TRIM66: variants seen among roughly 807,000 people sequenced by gnomAD.
The protein encoded by TRIM66 is tripartite motif containing 66.
Under a neutral mutation model 148.2 loss-of-function variants are expected in TRIM66, and 99 were observed. The observed-to-expected ratio is 0.67, with a 90% CI of 0.57 to 0.79. TRIM66 has a LOEUF of 0.79. TRIM66 is among the 30% of genes least tolerant of loss of function. TRIM66 has a pLI of 0.00. For missense variants in TRIM66, 1,666 were observed against 1,697.9 expected (o/e 0.98, Z 0.33); for synonymous variants, 616 against 635.9 (o/e 0.97, Z 0.47).
intron 6 of TRIM66, among the ~76,000 whole-genome samples, chr11:8,657,184 C>T (rs1407273789): frequency 2.0e-5 from 3 of 152,166 alleles, no homozygotes; most frequent in Non-Finnish European, 2.9e-5. Context: ...AAGCTGGTAT[C>T]GGGTCAGCTT....
At chr11:8,642,278 C>A (rs1010118374) in intron 13 of TRIM66, among the ~76,000 whole-genome samples, 2 of 152,158 alleles carry the variant, frequency 1.3e-5, no homozygotes, top group African/African-American at 2.4e-5. Flanking sequence ...AGGTGGCCAT[C>A]AAAGGTCTGC....
intron 6 of TRIM66, among the ~76,000 whole-genome samples, chr11:8,657,851 G>A (rs1407864702): frequency 6.6e-6 from 1 of 152,230 alleles, no homozygotes; most frequent in Non-Finnish European, 1.5e-5. Flanking sequence ...TTTTGTCCAA[G>A]TCACCCCTAA....
At chr11:8,628,767 T>C (rs2035117138) in intron 15 of TRIM66, among the ~76,000 whole-genome samples, 1 of 151,830 alleles carries the variant, frequency 6.6e-6, no homozygotes, top group Non-Finnish European at 1.5e-5. Flanking sequence ...TTCCCCCTCT[T>C]CTCCTCTCTC....
intron 6 of TRIM66, among the ~76,000 whole-genome samples, chr11:8,659,884 T>G (rs1412253746): frequency 6.6e-6 from 1 of 152,148 alleles, no homozygotes; most frequent in Non-Finnish European, 1.5e-5. Context: ...TTTGTTTGTC[T>G]TTGTTTGTTT....
intron 4 of TRIM66, among the ~76,000 whole-genome samples, chr11:8,672,612 C>T (rs2038988642): frequency 7.2e-6 from 1 of 137,956 alleles, no homozygotes; most frequent in African/African-American, 2.7e-5. Flanking sequence ...ATTCTGGACT[C>T]CAGTCTCTTT....
At chr11:8,660,797 A>G (rs1344309289) in intron 6 of TRIM66, among the ~76,000 whole-genome samples, 1 of 152,166 alleles carries the variant, frequency 6.6e-6, no homozygotes, top group Non-Finnish European at 1.5e-5. Flanking sequence ...TGGACCTTCA[A>G]GTTTGTGTAG....
intron 8 of TRIM66, 41 bp from the exon 9 acceptor site, chr11:8,648,589 G>A (rs749163940): frequency 6.5e-7 from 1 of 1,549,192 alleles, no homozygotes. Flanking sequence ...TCTTGCTCAG[G>A]TAGACAAACC....
intron 6 of TRIM66, among the ~76,000 whole-genome samples, chr11:8,652,701 A>G (rs551542867): frequency 6.6e-6 from 1 of 152,216 alleles, no homozygotes; most frequent in Non-Finnish European, 1.5e-5. Context: ...ACCTACTAGG[A>G]ACAAGAAAAT....
intron 15 of TRIM66, among the ~76,000 whole-genome samples, chr11:8,635,960 G>A (rs2035843494): frequency 6.6e-6 from 1 of 152,174 alleles, no homozygotes; most frequent in Admixed American, 6.5e-5. Flanking sequence ...CACTGGCAAT[G>A]AAACCACCTT....
chr11:8,657,140 T>C (rs2037898608), intron 6 of TRIM66, among the ~76,000 whole-genome samples: 2 of 151,844 alleles, frequency 1.3e-5, no homozygotes, highest in African/African-American at 4.8e-5. Context: ...ACCAGAGAGG[T>C]AGGGGAGGAG....
At chr11:8,642,769 G>T (rs565255346) in intron 13 of TRIM66, among the ~76,000 whole-genome samples, 1 of 129,832 alleles carries the variant, frequency 7.7e-6, no homozygotes, top group East Asian at 2.5e-4. Flanking sequence ...GGTAAACTCA[G>T]ATTTCAACTC....
chr11:8,645,332 A>G (rs1285743484), intron 12 of TRIM66, among the ~76,000 whole-genome samples: 1 of 152,196 alleles, frequency 6.6e-6, no homozygotes, highest in Non-Finnish European at 1.5e-5. Context: ...CGTCCTCTCA[A>G]GCCTAATACT....
chr11:8,662,462 T>C (rs2038325086), intron 6 of TRIM66, among the ~76,000 whole-genome samples: 1 of 152,134 alleles, frequency 6.6e-6, no homozygotes, highest in South Asian at 2.1e-4. Context: ...GCATTAGTAG[T>C]GTTCGGGGAT....
intron 13 of TRIM66, among the ~76,000 whole-genome samples, chr11:8,642,250 T>G (rs1297417849): frequency 1.3e-5 from 2 of 152,216 alleles, no homozygotes; most frequent in Non-Finnish European, 2.9e-5. Context: ...GTGCTCAGCA[T>G]GGGGCCTAAA....
In TRIM66 at chr11:8,643,029, G is replaced by A. The variant is rs1388464151; in HGVS notation, c.1202C>T (p.Thr401Ile). 2 of 1,551,032 alleles carry A rather than the reference G, an allele frequency of 1.3e-6. No homozygotes were observed. The highest frequency in any genetic ancestry group is 2.4e-5 in the East Asian group (1 of 40,898). The change falls in exon 13 of 25, where the codon ACC becomes ATC. Residue 401 changes from threonine (T) to isoleucine (I), a missense_variant. Transcript: ENST00000646038. ...CTCACCAAGAGAAGCTAGCTGCTTG[G>A]TCCAGAAGTTAGGCTCCCAGGTGAA... ...IRFTWEPNFW[T>I]KQLASLGCIT...
intron 6 of TRIM66, chr11:8,658,808 G>C (rs563963020): frequency 1.0e-6 from 1 of 985,294 alleles, no homozygotes; most frequent in East Asian, 1.1e-4. Context: ...AGGGTGTGGG[G>C]GGGCCTTCAA....
chr11:8,633,471 G>A (rs563585794), intron 15 of TRIM66, among the ~76,000 whole-genome samples: 2 of 152,202 alleles, frequency 1.3e-5, no homozygotes, highest in East Asian at 3.8e-4. Context: ...AATGAAATCA[G>A]GATAGAACTA....
At chr11:8,629,440 A>C (rs2035184175) in intron 15 of TRIM66, among the ~76,000 whole-genome samples, 1 of 152,220 alleles carries the variant, frequency 6.6e-6, no homozygotes, top group East Asian at 1.9e-4. Context: ...AAGCATTAAG[A>C]GCACTAAAAT....
intron 17 of TRIM66, 125 bp from the exon 18 acceptor site, chr11:8,623,001 T>C: frequency 2.7e-6 from 2 of 737,072 alleles, no homozygotes; most frequent in Middle Eastern, 2.3e-4. Context: ...AGTAGTTACC[T>C]ACACTATAGT....
Sources: gnomAD v4.1 joint callset for allele counts (sites outside exome capture counted in the v4.1 genomes callset) on GRCh38, gnomAD v4.1.1 for gene constraint, MANE v1.5 for transcripts, NCBI Gene and HGNC (gene_info 2026-07-23, HGNC 2026-07-21) for gene names.